Variants in VPS13B observed in about 807,000 individuals in gnomAD.
VPS13B encodes the protein intermembrane lipid transfer protein VPS13B.
VPS13B carries 285 observed loss-of-function variants against 426.4 expected under a neutral mutation model. The ratio of observed to expected loss-of-function variants is 0.67; its 90% CI spans 0.61 to 0.74. VPS13B has a LOEUF of 0.74. Among genes scored for constraint, VPS13B ranks in the 30% least tolerant of loss-of-function variants. The pLI is 0.00. For missense variants in VPS13B, 4,537 were observed against 4,782.6 expected, an observed-to-expected ratio of 0.95 and a Z score of 1.51; for synonymous variants, 1,676 against 1,676.4, an observed-to-expected ratio of 1.00 and a Z score of 0.01.
chr8:99,088,818 A>T (rs1845984315), intron 3 of VPS13B, among the ~76,000 whole-genome samples: 1 of 152,172 alleles, frequency 6.6e-6, no homozygotes. Flanking sequence ...ACAGCTTGAT[A>T]TTTCACTGCT....
chr8:99,241,310 A>G (rs900843493), intron 17 of VPS13B: 2 of 152,200 alleles, frequency 1.3e-5, no homozygotes. Context: ...TTTCTTAACT[A>G]TTATCCTGTG....
intron 27 of VPS13B, among the ~76,000 whole-genome samples, chr8:99,503,924 C>T (rs1821364234): frequency 6.6e-6 from 1 of 152,214 alleles, no homozygotes; most frequent in Non-Finnish European, 1.5e-5. Flanking sequence ...GAATCTTTTA[C>T]AGAAGGTGTT....
chr8:99,739,787 A>G (rs1224715837), intron 39 of VPS13B, among the ~76,000 whole-genome samples: 1 of 152,234 alleles, frequency 6.6e-6, no homozygotes, highest in Non-Finnish European at 1.5e-5. Context: ...AAAACTAACA[A>G]ACAGAAAGGA....
intron 33 of VPS13B, among the ~76,000 whole-genome samples, chr8:99,601,062 C>T (rs1416647897): frequency 6.6e-6 from 1 of 151,926 alleles, no homozygotes; most frequent in Non-Finnish European, 1.5e-5. Context: ...AGGTTTGTAA[C>T]ATAGGTATAC....
At chr8:99,739,879 G>A (rs1218280113) in intron 39 of VPS13B, among the ~76,000 whole-genome samples, 2 of 152,156 alleles carry the variant, frequency 1.3e-5, no homozygotes, top group Admixed American at 1.3e-4. Flanking sequence ...GGAAAAAACA[G>A]AGCAGAAAAA....
intron 34 of VPS13B, among the ~76,000 whole-genome samples, chr8:99,658,903 C>A (rs1170822074): frequency 2.0e-5 from 3 of 152,096 alleles, no homozygotes; most frequent in Non-Finnish European, 4.4e-5. Flanking sequence ...GCAGCCTTAA[C>A]CTCCCAGGCT....
chr8:99,341,775 C>T (rs1405091922), intron 19 of VPS13B: 1 of 381,422 alleles, frequency 2.6e-6, no homozygotes, highest in East Asian at 7.2e-5. Context: ...GGTCAAACCC[C>T]CAGGCGTCCC....
chr8:99,869,395 C>T (rs180769391), intron 59 of VPS13B, among the ~76,000 whole-genome samples: 39 of 152,278 alleles, frequency 2.6e-4, no homozygotes, highest in Middle Eastern at 3.4e-3. Context: ...AAACAAACAG[C>T]GTCTGAAAGG....
intron 18 of VPS13B, 95 bp from the exon 19 acceptor site, chr8:99,274,986 A>G: frequency 9.4e-7 from 1 of 1,069,130 alleles, no homozygotes; most frequent in Non-Finnish European, 1.3e-6. Context: ...TAAAGTTGAA[A>G]TGTTATATTA....
At chr8:99,364,955 AC>A (rs1344756091) in intron 19 of VPS13B, among the ~76,000 whole-genome samples, 1 of 152,072 alleles carries the variant, frequency 6.6e-6, no homozygotes, top group African/African-American at 2.4e-5. Context: ...TGATCTCATT[AC>A]TTGCTATTGG....
intron 21 of VPS13B, among the ~76,000 whole-genome samples, chr8:99,395,231 A>G (rs756586044): frequency 6.6e-6 from 1 of 152,236 alleles, no homozygotes. Flanking sequence ...ACTAGAAATT[A>G]TGGAATAAAA....
In VPS13B at chr8:99,702,907, A is replaced by C. The variant is rs141292336; in HGVS notation, c.6454+2975A>C. Among the ~76,000 whole-genome samples, 6 of 152,254 alleles carry C rather than the reference A, an allele frequency of 3.9e-5. No individual in the cohort carries two copies. In the East Asian group the frequency reaches 9.6e-4, roughly 24 times the overall value. On this transcript the variant is annotated intron_variant, in intron 36 of 61. Transcript: ENST00000357162. Reference sequence around the variant, plus strand: ...GCTAGAGGAATCTTATGTGCTAAGTAATATTTAGAGAAACACCATTGAGAA... The same window carrying C: ...GCTAGAGGAATCTTATGTGCTAAGTCATATTTAGAGAAACACCATTGAGAA...
At chr8:99,467,129 A>G (rs952312471) in intron 23 of VPS13B, among the ~76,000 whole-genome samples, 2 of 152,144 alleles carry the variant, frequency 1.3e-5, no homozygotes, top group African/African-American at 2.4e-5. Flanking sequence ...CAGTTTCACA[A>G]TACAACCAAC....
chr8:99,798,362 A>T (rs1812960912), intron 43 of VPS13B, among the ~76,000 whole-genome samples: 3 of 152,168 alleles, frequency 2.0e-5, no homozygotes, highest in Admixed American at 2.0e-4. Context: ...TATTTAATGC[A>T]CAGAGCATAT....
intron 30 of VPS13B, among the ~76,000 whole-genome samples, chr8:99,535,800 A>G (rs1360397709): frequency 6.6e-6 from 1 of 152,160 alleles, no homozygotes. Context: ...GTAACTATGT[A>G]TTAGGTTTGA....
chr8:99,492,627 CTGCGCTAGCAG>C (rs1264767301), intron 25 of VPS13B, among the ~76,000 whole-genome samples: 1 of 152,208 alleles, frequency 6.6e-6, no homozygotes, highest in African/African-American at 2.4e-5. Flanking sequence ...TCTCAGACTG[CTGCGCTAGCAG>C]TGAGCAAGCC....
intron 3 of VPS13B, among the ~76,000 whole-genome samples, chr8:99,054,734 G>T (rs1159543587): frequency 1.3e-5 from 2 of 152,130 alleles, no homozygotes; most frequent in African/African-American, 2.4e-5. Flanking sequence ...ATTAAATTTT[G>T]TATATGGAAT....
chr8:99,520,435 TTTAA>T (rs995873525), intron 29 of VPS13B, among the ~76,000 whole-genome samples: 12 of 150,102 alleles, frequency 8.0e-5, no homozygotes, highest in East Asian at 7.8e-4. Flanking sequence ...GTGTGTTGTA[TTTAA>T]TTATTATTTA....
At chr8:99,311,146 G>T (rs1371070197) in intron 19 of VPS13B, among the ~76,000 whole-genome samples, 3 of 152,032 alleles carry the variant, frequency 2.0e-5, no homozygotes, top group Admixed American at 2.0e-4. Context: ...ATTTTTTGAA[G>T]GGTGTTTTGT....
Sources: gnomAD v4.1 joint callset for allele counts (sites outside exome capture counted in the v4.1 genomes callset) on GRCh38, gnomAD v4.1.1 for gene constraint, MANE v1.5 for transcripts, NCBI Gene and HGNC (gene_info 2026-07-23, HGNC 2026-07-21) for gene names.